The following NAV3 variants were observed in gnomAD, a reference collection of about 807,000 sequenced individuals.
NAV3 encodes neuron navigator 3.
In NAV3, 87 loss-of-function variants were observed where a neutral mutation model predicts 244.7. That is an observed-to-expected ratio of 0.36 (90% CI 0.30 to 0.42). The LOEUF is 0.42. NAV3 is among the 20% of genes least tolerant of loss of function. The pLI, the probability that NAV3 is intolerant of heterozygous loss-of-function variation, is 1.00. For missense variants in NAV3, 2,663 were observed against 2,893.3 expected, an observed-to-expected ratio of 0.92 and a Z score of 1.83; for synonymous variants, 1,126 against 1,042.2, an observed-to-expected ratio of 1.08 and a Z score of -1.55.
chr12:77,923,016 C>T (rs1013806175), intron 1 of NAV3, among the ~76,000 whole-genome samples: 3 of 151,900 alleles, frequency 2.0e-5, no homozygotes, highest in African/African-American at 7.2e-5. Context: ...TTTTACTCTA[C>T]AAGTATCACG....
At chr12:77,628,016 G>A (rs1871714620) in intron 2 of NAV3, among the ~76,000 whole-genome samples, 1 of 152,286 alleles carries the variant, frequency 6.6e-6, no homozygotes, top group Non-Finnish European at 1.5e-5. Context: ...GGCTGGGAAA[G>A]GTAGGAGGTG....
Position 77,831,554 on chromosome 12 carries a change from T to C in NAV3, c.93T>C (p.Thr31=). The C allele has an allele frequency of 6.2e-7, 1 of 1,614,134 alleles. No homozygotes were observed. Among genetic ancestry groups the C allele is most frequent in the East Asian group, 2.2e-5 (1 of 44,864 alleles). The change falls in exon 1 of 40, where the codon ACT becomes ACC. Residue 31 remains threonine (T), a synonymous_variant. Transcript: ENST00000397909. ...CTCTTCCGATACCAAATCTTGGCAC[T>C]ACTGGGTCACAGCACTGTTCTTCAA... ...HTALPIPNLG[T]TGSQHCSSRP... is the part of the protein sequence containing the mutation.
chr12:78,087,146 A>G (rs1953679588), intron 12 of NAV3, among the ~76,000 whole-genome samples: 1 of 152,030 alleles, frequency 6.6e-6, no homozygotes, highest in African/African-American at 2.4e-5. Context: ...ATGTTGTAGA[A>G]TTAGAGAAAA....
intron 12 of NAV3, among the ~76,000 whole-genome samples, chr12:78,070,835 G>A (rs1470772142): frequency 2.7e-5 from 4 of 149,530 alleles, no homozygotes; most frequent in Non-Finnish European, 5.9e-5. Flanking sequence ...AGTTTACTGA[G>A]AATGATGATT....
chr12:78,121,611 GTA>G (rs34594947), intron 15 of NAV3, among the ~76,000 whole-genome samples: 64,746 of 151,824 alleles, frequency 0.43, 14,294 homozygotes, highest in African/African-American at 0.5. Flanking sequence ...GTAACAGCAA[GTA>G]TATGGTCAAA....
intron 23 of NAV3, among the ~76,000 whole-genome samples, chr12:78,161,935 G>A (rs1029002727): frequency 2.0e-5 from 3 of 152,032 alleles, no homozygotes; most frequent in Non-Finnish European, 2.9e-5. Flanking sequence ...CTACTGCAAG[G>A]CACTGAAATG....
At chr12:77,781,058 G>C (rs1160558448) in intron 2 of NAV3, among the ~76,000 whole-genome samples, 1 of 152,138 alleles carries the variant, frequency 6.6e-6, no homozygotes, top group Non-Finnish European at 1.5e-5. Context: ...AAACAACACA[G>C]GTTTATTTGT....
intron 2 of NAV3, among the ~76,000 whole-genome samples, chr12:77,674,796 T>C (rs973738386): frequency 6.6e-6 from 1 of 152,226 alleles, no homozygotes; most frequent in Admixed American, 6.5e-5. Flanking sequence ...GTTCTAGGCT[T>C]GATAGTGAAG....
In NAV3 at chr12:77,891,050, G is replaced by A. The variant is rs1011071328; in HGVS notation, c.244-49269G>A. On this transcript the variant is annotated intron_variant, in intron 1 of 39. Transcript: ENST00000397909. The stretch of plus-strand genomic sequence containing the variant: ...GTAAGATTATCCCATTTCATAAATA[G>A]GACTCCCTGTTAATTTAGCATTCAT... 4.0e-5 allele frequency among the ~76,000 whole-genome samples: 6 copies of A among 151,580 alleles called. No homozygotes were observed. In the South Asian group the frequency reaches 6.2e-4, roughly 16 times the overall value.
chr12:78,062,168 A>G (rs1447212525), intron 12 of NAV3, among the ~76,000 whole-genome samples: 2 of 152,268 alleles, frequency 1.3e-5, no homozygotes, highest in East Asian at 3.9e-4. Context: ...ATGTAGAATA[A>G]TATCCAATCC....
At chr12:77,791,565 A>G (rs919218324) in intron 2 of NAV3, among the ~76,000 whole-genome samples, 3 of 152,056 alleles carry the variant, frequency 2.0e-5, no homozygotes, top group Non-Finnish European at 4.4e-5. Context: ...CCTGTGGCAT[A>G]GGTGCTATCT....
chr12:77,807,445 G>C (rs1358607073), intron 2 of NAV3, among the ~76,000 whole-genome samples: 1 of 152,156 alleles, frequency 6.6e-6, no homozygotes, highest in African/African-American at 2.4e-5. Flanking sequence ...AGCTTAGTTT[G>C]GCTGGATATG....
At chr12:77,873,282 C>G (rs1447732239) in intron 1 of NAV3, among the ~76,000 whole-genome samples, 1 of 151,994 alleles carries the variant, frequency 6.6e-6, no homozygotes, top group Non-Finnish European at 1.5e-5. Context: ...ACCCATTTCT[C>G]AGATTTACTT....
intron 2 of NAV3, among the ~76,000 whole-genome samples, chr12:77,720,897 C>G (rs1876595883): frequency 6.6e-6 from 1 of 152,148 alleles, no homozygotes; most frequent in Non-Finnish European, 1.5e-5. Context: ...AATATCACTT[C>G]TGCCTATGAT....
At chr12:77,870,821 A>C (rs531174947) in intron 1 of NAV3, among the ~76,000 whole-genome samples, 11 of 152,258 alleles carry the variant, frequency 7.2e-5, no homozygotes, top group Non-Finnish European at 1.6e-4. Flanking sequence ...GGTTATTTGC[A>C]TGAAATCCAA....
intron 1 of NAV3, among the ~76,000 whole-genome samples, chr12:77,850,355 C>T (rs986377366): frequency 6.6e-6 from 1 of 152,162 alleles, no homozygotes; most frequent in African/African-American, 2.4e-5. Flanking sequence ...ATGGATCTTC[C>T]TCTAAGTAAT....
chr12:78,119,217 G>A lies in NAV3; in HGVS notation c.3041-20G>A. ...TCAAACTCTACAGGCACATATATTT[G>A]TGTATTTCTCCTTAATTAGGGAAAA... On this transcript the variant is annotated intron_variant, in intron 14 of 39. Coordinates refer to ENST00000397909, the MANE Select transcript of NAV3 (RefSeq NM_001024383.2). 2 of 1,598,338 alleles carry A rather than the reference G, an allele frequency of 1.3e-6. No individual in the cohort carries two copies. The highest frequency in any genetic ancestry group is 1.7e-6 in the Non-Finnish European group (2 of 1,172,538).
intron 2 of NAV3, among the ~76,000 whole-genome samples, chr12:77,790,331 T>C (rs1725362728): frequency 6.6e-6 from 1 of 152,216 alleles, no homozygotes; most frequent in South Asian, 2.1e-4. Context: ...CTTTAGGTGG[T>C]ACTCAGTATG....
chr12:78,034,123 C>T (rs144184543), intron 9 of NAV3, among the ~76,000 whole-genome samples: 1 of 152,312 alleles, frequency 6.6e-6, no homozygotes, highest in East Asian at 1.9e-4. Flanking sequence ...TTCCCAACTT[C>T]GGCACTGTGG....
Sources: gnomAD v4.1 joint callset for allele counts (sites outside exome capture counted in the v4.1 genomes callset) on GRCh38, gnomAD v4.1.1 for gene constraint, MANE v1.5 for transcripts, NCBI Gene and HGNC (gene_info 2026-07-23, HGNC 2026-07-21) for gene names.